The following NUP153 variants were observed in gnomAD, a reference collection of about 807,000 sequenced individuals.
NUP153 encodes the protein nuclear pore complex protein Nup153.
In NUP153, 27 loss-of-function variants were observed where a neutral mutation model predicts 134.6. That is an observed-to-expected ratio of 0.20 (90% CI 0.15 to 0.28). The LOEUF (loss-of-function observed/expected upper bound fraction) is 0.28. Ranked by LOEUF, NUP153 falls within the 10% of genes least tolerant of loss-of-function variation. The pLI is 1.00. For synonymous variants in NUP153, 640 were observed against 623.5 expected (o/e 1.03, Z -0.40); for missense variants, 1,821 against 1,731.3 (o/e 1.05, Z -0.92).
At chr6:17,630,996 A>C (rs115372719) in intron 17 of NUP153, among the ~76,000 whole-genome samples, 354 of 152,342 alleles carry the variant, frequency 2.3e-3, no homozygotes, top group African/African-American at 8.2e-3. Flanking sequence ...GGTAGAGAAC[A>C]GTATAAAAAG....
In NUP153 at chr6:17,625,786, A is replaced by ATTTTTT; in HGVS notation, c.3901+16_3901+21dup. On this transcript the variant is annotated intron_variant, in intron 19 of 21. Coordinates refer to ENST00000262077, the MANE Select transcript of NUP153 (RefSeq NM_005124.4). The surrounding 1 kb of genome is among the most constrained non-coding windows in gnomAD (Gnocchi z 4.7). Reference sequence around the variant, plus strand: ...AGTAAAGTCCATCCAATTACAATGCATTTTTTCTTTTGTAAATGTACCTGC... The same window carrying ATTTTTT: ...AGTAAAGTCCATCCAATTACAATGCATTTTTTTTTTTTCTTTTGTAAATGTACCTGC... 6.4e-7 allele frequency: 1 copy of ATTTTTT among 1,558,868 alleles called. No individual in the cohort carries two copies. Among genetic ancestry groups the ATTTTTT allele is most frequent in the Non-Finnish European group, 8.8e-7 (1 of 1,131,692 alleles).
At position 17,661,834 on chromosome 6, in the gene NUP153, T is replaced by A. The variant is rs1188874089; in HGVS notation, c.1269-55A>T. ...TGATATATTATTGTGGTCCATAACT[T>A]GTTAACTAGAACTGCTAACAAGTAA... is the stretch of plus-strand genomic sequence containing the variant. On this transcript the variant is annotated intron_variant, in intron 10 of 21. Coordinates refer to ENST00000262077, the MANE Select transcript of NUP153 (RefSeq NM_005124.4). 10 of 1,532,808 alleles carry A rather than the reference T, an allele frequency of 6.5e-6. 1 individual carries two copies. In the Admixed American group the frequency reaches 1.4e-4, roughly 21 times the overall value. The allele number at this position is 1,532,808 out of a possible 1,614,324, so 95.0% of individuals were successfully genotyped here.
chr6:17,675,578 T>C lies in NUP153; in HGVS notation c.527A>G (p.His176Arg). The C allele has an allele frequency of 2.5e-6, 4 of 1,614,046 alleles. No homozygotes were observed. Among genetic ancestry groups the C allele is most frequent in the African/African-American group, 2.7e-5 (2 of 75,058 alleles). ...VKEIKDSTSQ[H>R]DDDNISTTSG... is the part of the protein sequence containing the mutation. ...GGTAGTTGAGATGTTATCATCATCATGCTGAGAGGTAGAATCTTTAATTTC... is the reference window on the plus strand; with the variant it reads ...GGTAGTTGAGATGTTATCATCATCACGCTGAGAGGTAGAATCTTTAATTTC... Residue 176 changes from histidine (H) to arginine (R), a missense_variant, in exon 3 of 22, where the codon CAT becomes CGT. Coordinates refer to ENST00000262077, the MANE Select transcript of NUP153 (RefSeq NM_005124.4). The surrounding 1 kb of genome is among the most constrained non-coding windows in gnomAD (Gnocchi z 4.4).
chr6:17,701,846 A>AGGG lies in NUP153; in HGVS notation c.111+4430_111+4431insCCC, dbSNP rs1561916995. On this transcript the variant is annotated intron_variant, in intron 1 of 21. Coordinates refer to ENST00000262077, the MANE Select transcript of NUP153 (RefSeq NM_005124.4). Reference sequence around the variant, plus strand: ...AGACTCTGTCTCGGGGGGGGGGGGAAAAAAGCTAAATGCAGGAACTGACTT... The same window carrying AGGG: ...AGACTCTGTCTCGGGGGGGGGGGGAAGGGAAAAGCTAAATGCAGGAACTGACTT... 3.5e-3 allele frequency among the ~76,000 whole-genome samples: 232 copies of AGGG among 65,644 alleles called. 34 individuals carry two copies. Among genetic ancestry groups the AGGG allele is most frequent in the Non-Finnish European group, 5.5e-3 (155 of 28,040 alleles). The allele number at this position is 65,644 out of a possible 152,430, so 43.1% of individuals were successfully genotyped here. A position where few individuals can be genotyped will look rare whatever the true frequency, so the allele number is the denominator to read the frequency against.
intron 20 of NUP153, 46 bp downstream of exon 20, chr6:17,624,515 A>G: frequency 6.4e-7 from 1 of 1,560,576 alleles, no homozygotes; most frequent in Non-Finnish European, 8.7e-7. Context: ...ATATTTTAAG[A>G]CACACAAAAC....
rs1767410987 is a variant in NUP153, at chr6:17,664,742, AC to A, written c.1215+496del. ...GGTACATGCTAGAGTTTACTAGTCAACACTAACTTAAGATCTGACCAAGGTA... is the reference window on the plus strand; with the variant it reads ...GGTACATGCTAGAGTTTACTAGTCAAACTAACTTAAGATCTGACCAAGGTA... On this transcript the variant is annotated intron_variant, in intron 9 of 21. Coordinates refer to ENST00000262077, the MANE Select transcript of NUP153 (RefSeq NM_005124.4). Among the ~76,000 whole-genome samples, 4 of 152,268 alleles carry A rather than the reference AC, an allele frequency of 2.6e-5. No individual in the cohort carries two copies. In the South Asian group the frequency reaches 8.3e-4, roughly 32 times the overall value.
At chr6:17,621,336 C>G (rs1764633363) in intron 20 of NUP153, among the ~76,000 whole-genome samples, 1 of 152,088 alleles carries the variant, frequency 6.6e-6, no homozygotes, top group African/African-American at 2.4e-5. Flanking sequence ...CCTTATGATC[C>G]AGCAATCCCA....
Position 17,625,660 on chromosome 6 carries a change from G to C in NUP153, c.3901+148C>G, listed in dbSNP as rs1764897605. On this transcript the variant is annotated intron_variant, in intron 19 of 21. Coordinates refer to ENST00000262077, the MANE Select transcript of NUP153 (RefSeq NM_005124.4). The surrounding 1 kb of genome is among the most constrained non-coding windows in gnomAD (Gnocchi z 4.7). Reference sequence around the variant, plus strand: ...CAGAGAGTGTACATTATTCCATACAGTGAATAATTAAAACAACCCTGGTAT... The same window carrying C: ...CAGAGAGTGTACATTATTCCATACACTGAATAATTAAAACAACCCTGGTAT... 1.5e-6 allele frequency: 1 copy of C among 650,848 alleles called. No homozygotes were observed. Among genetic ancestry groups the C allele is most frequent in the African/African-American group, 1.8e-5 (1 of 54,718 alleles). The allele number at this position is 650,848 out of a possible 1,614,324, so 40.3% of individuals were successfully genotyped here.
At chr6:17,646,195 A>G (rs1186726388) in intron 13 of NUP153, 41 bp from the exon 14 acceptor site, 5 of 1,069,254 alleles carry the variant, frequency 4.7e-6, no homozygotes, top group Non-Finnish European at 7.2e-6. Flanking sequence ...GTTTTCAATA[A>G]GTATCAAATA....
chr6:17,641,081 A>T (rs190125659), intron 14 of NUP153, among the ~76,000 whole-genome samples: 60 of 152,242 alleles, frequency 3.9e-4, no homozygotes, highest in African/African-American at 1.3e-3. Flanking sequence ...GTATTTAGAG[A>T]TCTACATTTT....
intron 2 of NUP153, among the ~76,000 whole-genome samples, chr6:17,685,881 C>T (rs911696998): frequency 2.0e-5 from 3 of 152,010 alleles, no homozygotes; most frequent in Non-Finnish European, 4.4e-5. Context: ...CAGGTGGTGG[C>T]TCACACCTGT....
intron 9 of NUP153, among the ~76,000 whole-genome samples, 165 bp downstream of exon 9, chr6:17,665,074 A>C (rs1767442358): frequency 6.6e-6 from 1 of 150,620 alleles, no homozygotes; most frequent in African/African-American, 2.5e-5. Context: ...AATTTGATCA[A>C]GGTGACAGCT....
chr6:17,700,413 C>A (rs1769975906), intron 1 of NUP153, among the ~76,000 whole-genome samples: 1 of 152,186 alleles, frequency 6.6e-6, no homozygotes, highest in South Asian at 2.1e-4. Flanking sequence ...AGGCTGACTC[C>A]ATTACACTAC....
intron 18 of NUP153, among the ~76,000 whole-genome samples, chr6:17,627,762 T>G (rs928837082): frequency 2.6e-5 from 4 of 152,234 alleles, no homozygotes; most frequent in Admixed American, 2.6e-4. Context: ...TGTTACAAAT[T>G]AGAAGATGAT....
At chr6:17,690,050 G>A (rs1316266806) in intron 1 of NUP153, among the ~76,000 whole-genome samples, 3 of 152,068 alleles carry the variant, frequency 2.0e-5, no homozygotes, top group Non-Finnish European at 2.9e-5. Context: ...AACTACCACA[G>A]TATATCTAAG....
chr6:17,657,405 A>T lies in NUP153; in HGVS notation c.1395+4248T>A, dbSNP rs567236106. Among the ~76,000 whole-genome samples the T allele has an allele frequency of 1.7e-4, 26 of 151,480 alleles. 1 individual carries two copies. Among genetic ancestry groups the T allele is most frequent in the Admixed American group, 3.3e-4 (5 of 15,200 alleles). ...TAAAATAAAAAAATAAAAAAATAAAAAAAAAAAAAATAGCTAGCCTTGGTG... is the reference window on the plus strand; with the variant it reads ...TAAAATAAAAAAATAAAAAAATAAATAAAAAAAAAATAGCTAGCCTTGGTG... On this transcript the variant is annotated intron_variant, in intron 11 of 21. Coordinates refer to ENST00000262077, the MANE Select transcript of NUP153 (RefSeq NM_005124.4).
chr6:17,649,360 T>A, intron 11 of NUP153, 60 bp from the exon 12 acceptor site: 1 of 1,498,496 alleles, frequency 6.7e-7, no homozygotes, highest in Non-Finnish European at 9.1e-7. Flanking sequence ...TTATCTCTAC[T>A]TATTTTCAGC....
At chr6:17,644,179 CTTT>C (rs770902776) in intron 14 of NUP153, among the ~76,000 whole-genome samples, 13 of 152,158 alleles carry the variant, frequency 8.5e-5, no homozygotes, top group Non-Finnish European at 1.5e-4. Context: ...TGTCCTGACT[CTTT>C]TTATTTTTTA....
At chr6:17,637,902 ATTGT>A (rs1765643408) in intron 15 of NUP153, 132 bp from the exon 16 acceptor site, 9 of 983,504 alleles carry the variant, frequency 9.2e-6, no homozygotes, top group East Asian at 2.6e-5. Flanking sequence ...CTACTTAAGA[ATTGT>A]TTTTCACTTA....
Sources: gnomAD v4.1 joint callset for allele counts (sites outside exome capture counted in the v4.1 genomes callset) on GRCh38, gnomAD v4.1.1 for gene constraint, Gnocchi (gnomAD v3.1) non-coding constraint, MANE v1.5 for transcripts, NCBI Gene and HGNC (gene_info 2026-07-23, HGNC 2026-07-21) for gene names.